The following CNTN4 variants were observed in gnomAD, a reference collection of about 807,000 sequenced individuals.
CNTN4 encodes contactin-4.
In CNTN4, 77 loss-of-function variants were observed where a neutral mutation model predicts 122.5. The observed-to-expected ratio is 0.63, with a 90% CI of 0.52 to 0.76. The LOEUF is 0.76. Ranked by LOEUF, CNTN4 falls within the 30% of genes least tolerant of loss-of-function variation. CNTN4 has a pLI of 0.00. For missense variants in CNTN4, 1,256 were observed against 1,259.1 expected (o/e 1.00, Z 0.04); for synonymous variants, 512 against 447.0 (o/e 1.15, Z -1.83).
At chr3:2,802,517 C>T (rs57646553) in intron 6 of CNTN4, among the ~76,000 whole-genome samples, 2,266 of 152,216 alleles carry the variant, frequency 0.015, 62 homozygotes, top group African/African-American at 0.051. Context: ...AGAAAAAATA[C>T]GTGTCAGATG....
At chr3:2,894,430 C>A (rs762382104) in intron 10 of CNTN4, among the ~76,000 whole-genome samples, 1 of 152,176 alleles carries the variant, frequency 6.6e-6, no homozygotes, top group Non-Finnish European at 1.5e-5. Context: ...GGCCTGTGTA[C>A]CATTGCTAAC....
At chr3:3,053,578 C>T (rs983414141) in intron 23 of CNTN4, among the ~76,000 whole-genome samples, 9 of 152,176 alleles carry the variant, frequency 5.9e-5, no homozygotes, top group Admixed American at 2.6e-4. Flanking sequence ...GGTAGAATCA[C>T]GTTGCTGATG....
chr3:2,211,819 A>G (rs926970728), intron 2 of CNTN4, among the ~76,000 whole-genome samples: 1 of 152,228 alleles, frequency 6.6e-6, no homozygotes, highest in Non-Finnish European at 1.5e-5. Context: ...AGTATTCTGT[A>G]TGAGCAGACT....
chr3:2,562,263 G>A (rs1221240032), intron 3 of CNTN4, among the ~76,000 whole-genome samples: 4 of 152,124 alleles, frequency 2.6e-5, no homozygotes, highest in Non-Finnish European at 5.9e-5. Context: ...GGGGGTACTT[G>A]TGTGGGTTTG....
At chr3:2,426,211 A>G (rs1430208668) in intron 3 of CNTN4, among the ~76,000 whole-genome samples, 3 of 152,288 alleles carry the variant, frequency 2.0e-5, no homozygotes, top group African/African-American at 7.2e-5. Flanking sequence ...GGTTTGTCAT[A>G]AATAGCTCTT....
At chr3:2,697,075 C>T (rs187246105) in intron 4 of CNTN4, among the ~76,000 whole-genome samples, 2 of 152,288 alleles carry the variant, frequency 1.3e-5, no homozygotes, top group African/African-American at 4.8e-5. Context: ...TTCATGCATC[C>T]AGACTTGTGT....
chr3:2,658,207 C>T (rs756598742), intron 4 of CNTN4, among the ~76,000 whole-genome samples: 1 of 151,674 alleles, frequency 6.6e-6, no homozygotes, highest in Non-Finnish European at 1.5e-5. Context: ...CTGGCTGCTC[C>T]TCTTCCTGTG....
intron 6 of CNTN4, among the ~76,000 whole-genome samples, chr3:2,780,687 T>C (rs1369371800): frequency 6.6e-6 from 1 of 152,214 alleles, no homozygotes. Context: ...TAAGGGCAAG[T>C]GGGTTTGTAG....
At chr3:2,711,920 A>T (rs1410043256) in intron 4 of CNTN4, among the ~76,000 whole-genome samples, 1 of 152,242 alleles carries the variant, frequency 6.6e-6, no homozygotes, top group Non-Finnish European at 1.5e-5. Context: ...TTTTGAGCAT[A>T]TGAATATGCA....
intron 4 of CNTN4, among the ~76,000 whole-genome samples, chr3:2,674,319 C>A (rs1170632219): frequency 6.6e-6 from 1 of 151,812 alleles, no homozygotes; most frequent in Non-Finnish European, 1.5e-5. Flanking sequence ...TTATGGGGTT[C>A]AGTGTGATAT....
intron 4 of CNTN4, among the ~76,000 whole-genome samples, chr3:2,718,237 G>A (rs59174801): frequency 2.0e-5 from 2 of 102,472 alleles, no homozygotes; most frequent in Non-Finnish European, 2.1e-5. Context: ...CATTTTCTTG[G>A]TTTTTTTTTT....
At chr3:2,767,227 C>T (rs1281537717) in intron 6 of CNTN4, among the ~76,000 whole-genome samples, 1 of 152,126 alleles carries the variant, frequency 6.6e-6, no homozygotes, top group East Asian at 1.9e-4. Context: ...TATTCAGAGA[C>T]AAGATGAATG....
chr3:2,426,605 C>T (rs2047843276), intron 3 of CNTN4, among the ~76,000 whole-genome samples: 3 of 152,214 alleles, frequency 2.0e-5, no homozygotes, highest in South Asian at 4.2e-4. Context: ...AGGGAGGATT[C>T]CTTCTTTTTC....
intron 2 of CNTN4, among the ~76,000 whole-genome samples, chr3:2,148,864 G>A (rs2035370653): frequency 6.6e-6 from 1 of 151,978 alleles, no homozygotes; most frequent in Non-Finnish European, 1.5e-5. Context: ...CCTGTGAAAT[G>A]TATATTTAAT....
intron 13 of CNTN4, among the ~76,000 whole-genome samples, 199 bp from the exon 14 acceptor site, chr3:2,988,146 A>C (rs766691835): frequency 6.6e-6 from 1 of 152,234 alleles, no homozygotes; most frequent in Non-Finnish European, 1.5e-5. Flanking sequence ...AGAATTAAAA[A>C]CACTAAACAA....
intron 2 of CNTN4, among the ~76,000 whole-genome samples, chr3:2,304,993 T>G (rs2042653001): frequency 1.3e-5 from 2 of 151,878 alleles, no homozygotes; most frequent in Non-Finnish European, 2.9e-5. Flanking sequence ...ATGATTAGAA[T>G]AATAATAAGG....
At chr3:2,391,546 T>C (rs1016357192) in intron 3 of CNTN4, among the ~76,000 whole-genome samples, 1 of 152,200 alleles carries the variant, frequency 6.6e-6, no homozygotes, top group Non-Finnish European at 1.5e-5. Flanking sequence ...CTCATGTTCT[T>C]CTAACATATC....
intron 12 of CNTN4, among the ~76,000 whole-genome samples, chr3:2,903,858 T>C (rs1385007117): frequency 6.6e-6 from 1 of 152,206 alleles, no homozygotes; most frequent in Admixed American, 6.5e-5. Flanking sequence ...TAATACAGTA[T>C]TGAAGCACAT....
At chr3:2,717,818 G>GT (rs1484264639) in intron 4 of CNTN4, among the ~76,000 whole-genome samples, 4 of 151,844 alleles carry the variant, frequency 2.6e-5, no homozygotes, top group East Asian at 1.9e-4. Flanking sequence ...TATTTTCTGG[G>GT]TTTTTTTGTT....
Sources: allele counts gnomAD v4.1 joint callset (sites outside exome capture counted in the v4.1 genomes callset), GRCh38; gene constraint gnomAD v4.1.1; transcripts MANE v1.5; gene names NCBI Gene and HGNC (gene_info 2026-07-23, HGNC 2026-07-21).